The following TBCK variants were observed in gnomAD, a reference collection of about 807,000 sequenced individuals.
TBCK encodes the protein TBC domain-containing protein kinase-like protein.
A neutral mutation model predicts 113.4 loss-of-function variants in TBCK; 99 were observed. The observed-to-expected ratio is 0.87, with a 90% CI of 0.74 to 1.03. The LOEUF (loss-of-function observed/expected upper bound fraction) is 1.03, where lower values mean the gene tolerates loss of function less well. Ranked by LOEUF, TBCK falls within the 50% of genes least tolerant of loss-of-function variation. The pLI is 0.00. For missense variants in TBCK, 1,045 were observed against 1,061.3 expected, an observed-to-expected ratio of 0.98 and a Z score of 0.21; for synonymous variants, 369 against 370.8, an observed-to-expected ratio of 1.00 and a Z score of 0.05.
At chr4:106,140,366 A>G (rs72964491) in intron 23 of TBCK, among the ~76,000 whole-genome samples, 4,377 of 141,442 alleles carry the variant, frequency 0.031, 547 homozygotes, top group African/African-American at 0.1. Flanking sequence ...TTTCATATAA[A>G]TAAAATAAAA....
At chr4:106,109,134 C>A (rs910542550) in intron 24 of TBCK, among the ~76,000 whole-genome samples, 37 of 151,980 alleles carry the variant, frequency 2.4e-4, no homozygotes, top group African/African-American at 8.9e-4. Context: ...AGAGAAGACA[C>A]AAACAAATGG....
chr4:106,294,542 T>C (rs370333509), intron 3 of TBCK, among the ~76,000 whole-genome samples: 1 of 151,326 alleles, frequency 6.6e-6, no homozygotes, highest in African/African-American at 2.4e-5. Flanking sequence ...AGTGCGGTGG[T>C]GCAATCTCGG....
intron 25 of TBCK, among the ~76,000 whole-genome samples, chr4:106,070,655 C>T (rs986787952): frequency 5.3e-5 from 8 of 151,960 alleles, no homozygotes; most frequent in Admixed American, 2.6e-4. Context: ...ATGCTGGCCT[C>T]GTAAAATGAG....
intron 9 of TBCK, 43 bp downstream of exon 9, chr4:106,248,202 G>T: frequency 7.3e-7 from 1 of 1,378,902 alleles, no homozygotes; most frequent in East Asian, 2.4e-5. Flanking sequence ...TTGCTTATGC[G>T]TAAAGGATCT....
intron 24 of TBCK, among the ~76,000 whole-genome samples, chr4:106,099,670 T>A (rs181313273): frequency 6.6e-6 from 1 of 152,272 alleles, no homozygotes; most frequent in Admixed American, 6.5e-5. Flanking sequence ...TCCAACATCT[T>A]ATCAGTAGCA....
Position 106,244,781 on chromosome 4 carries a change from T to C in TBCK, c.932-17A>G. The C allele has an allele frequency of 6.8e-7, 1 of 1,461,606 alleles. No homozygotes were observed. The highest frequency in any genetic ancestry group is 9.4e-7 in the Non-Finnish European group (1 of 1,063,202). The allele number at this position is 1,461,606 out of a possible 1,614,324, so 90.5% of individuals were successfully genotyped here. On this transcript the variant is annotated splice_polypyrimidine_tract_variant and intron_variant, in intron 10 of 25. Coordinates refer to ENST00000394708, the MANE Select transcript of TBCK (RefSeq NM_001163435.3). ...TATTTATATCTATTAAAAGCAAATT[T>C]AAGGAATCATTGTATTATATTTTCT...
Position 106,262,231 on chromosome 4 carries a change from G to T in TBCK, c.267-19C>A. ...TGAACAGCTACAAAGAAAACAAAAA[G>T]TCAAAGATCAATTACAAAGCAAATA... On this transcript the variant is annotated intron_variant, in intron 3 of 25. Transcript: ENST00000394708. 1.4e-6 allele frequency: 2 copies of T among 1,390,788 alleles called. No individual in the cohort carries two copies. Among genetic ancestry groups the T allele is most frequent in the Non-Finnish European group, 2.0e-6 (2 of 1,010,806 alleles). 86.2% of individuals were successfully genotyped at this position (1,390,788 alleles called of 1,614,324 possible). A position where few individuals can be genotyped will look rare whatever the true frequency, so the allele number is the denominator to read the frequency against.
Position 106,146,589 on chromosome 4 carries a change from A to C in TBCK, c.2235+24506T>G, listed in dbSNP as rs189193384. 2.5e-3 allele frequency among the ~76,000 whole-genome samples: 379 copies of C among 152,326 alleles called. 3 individuals are homozygous for C. Among genetic ancestry groups the C allele is most frequent in the African/African-American group, 8.9e-3 (368 of 41,566 alleles). On this transcript the variant is annotated intron_variant, in intron 23 of 25. Transcript: ENST00000394708. ...CTTCACATGTATCCCCAAACCTAAA[A>C]TAATAGTTAAAAAATACTTTATTGC...
At chr4:106,282,470 T>C (rs1178333021) in intron 3 of TBCK, among the ~76,000 whole-genome samples, 1 of 152,122 alleles carries the variant, frequency 6.6e-6, no homozygotes, top group Non-Finnish European at 1.5e-5. Context: ...CTCTTGCTTT[T>C]CTAGTTTTTG....
At chr4:106,315,676 C>T (rs11544776) in intron 1 of TBCK, 9,738 of 152,298 alleles carry the variant, frequency 0.064, 365 homozygotes, top group Non-Finnish European at 0.082. Context: ...CTCTAACCTC[C>T]TTTAGCCTTC....
chr4:106,206,199 T>C (rs1755477456), intron 20 of TBCK, among the ~76,000 whole-genome samples: 1 of 152,102 alleles, frequency 6.6e-6, no homozygotes. Context: ...CACCTGTTTC[T>C]GGACAGCATA....
intron 20 of TBCK, among the ~76,000 whole-genome samples, chr4:106,209,918 T>C (rs1755938599): frequency 2.0e-5 from 3 of 152,272 alleles, no homozygotes; most frequent in Admixed American, 2.0e-4. Context: ...TCTATGTTCT[T>C]TCTGCTTTTA....
intron 22 of TBCK, among the ~76,000 whole-genome samples, chr4:106,175,205 G>C (rs1254408974): frequency 6.7e-6 from 1 of 149,544 alleles, no homozygotes; most frequent in Non-Finnish European, 1.5e-5. Context: ...TAAAAGTTCT[G>C]TTTTTTCATA....
upstream of TBCK, chr4:106,316,518 C>G (rs375142405): frequency 7.3e-5 from 114 of 1,551,246 alleles, no homozygotes; most frequent in Non-Finnish European, 9.6e-5. Flanking sequence ...TCCTTTCTCA[C>G]TGCTATAGTA....
intron 20 of TBCK, among the ~76,000 whole-genome samples, chr4:106,207,283 G>T (rs1293727845): frequency 2.6e-5 from 4 of 152,004 alleles, no homozygotes; most frequent in African/African-American, 9.7e-5. Context: ...CAGAGCAAAA[G>T]GAAAAAAGCC....
chr4:106,148,017 G>T (rs1040675858), intron 23 of TBCK, among the ~76,000 whole-genome samples: 1 of 152,198 alleles, frequency 6.6e-6, no homozygotes, highest in Non-Finnish European at 1.5e-5. Flanking sequence ...GGCTGTAGGG[G>T]TGAAATATAC....
rs1156433418 is a variant in TBCK at position 106,054,703 on chromosome 4, T to C, written c.2572-8023A>G. Among the ~76,000 whole-genome samples, 4 of 151,840 alleles carry C rather than the reference T, an allele frequency of 2.6e-5. No homozygotes were observed. The East Asian group carries it at 5.8e-4, about 22-fold the overall frequency. On this transcript the variant is annotated intron_variant, in intron 25 of 25. Coordinates refer to ENST00000394708, the MANE Select transcript of TBCK (RefSeq NM_001163435.3). ...ATATGTTGAATAACTGATTCATTCA[T>C]TCAACAAATACTTTCTGAGCATCTA...
At chr4:106,080,057 A>T (rs977747432) in intron 25 of TBCK, among the ~76,000 whole-genome samples, 1 of 152,190 alleles carries the variant, frequency 6.6e-6, no homozygotes, top group African/African-American at 2.4e-5. Context: ...GGGAACACAA[A>T]TTCAAACCAT....
intron 24 of TBCK, among the ~76,000 whole-genome samples, chr4:106,109,837 T>C (rs934699716): frequency 1.3e-5 from 2 of 152,032 alleles, no homozygotes; most frequent in Non-Finnish European, 2.9e-5. Context: ...GTAAACAGAC[T>C]GTAGGAGATT....
Sources: gnomAD v4.1 joint callset for allele counts (sites outside exome capture counted in the v4.1 genomes callset) on GRCh38, gnomAD v4.1.1 for gene constraint, MANE v1.5 for transcripts, NCBI Gene and HGNC (gene_info 2026-07-23, HGNC 2026-07-21) for gene names.